STK4: variants seen among roughly 807,000 people sequenced by gnomAD.
STK4 encodes the protein serine/threonine kinase 4.
Under a neutral mutation model 64.9 loss-of-function variants are expected in STK4, and 30 were observed. That is an observed-to-expected ratio of 0.46 (90% CI 0.35 to 0.63). The LOEUF (loss-of-function observed/expected upper bound fraction) is 0.63, where lower values mean the gene tolerates loss of function less well. Ranked by LOEUF, STK4 falls within the 20% of genes least tolerant of loss-of-function variation. The pLI is 0.01. For missense variants in STK4, 466 were observed against 598.5 expected (o/e 0.78, Z 2.31); for synonymous variants, 177 against 199.0 (o/e 0.89, Z 0.93).
chr20:45,053,504 G>A (rs1404512893), intron 10 of STK4, among the ~76,000 whole-genome samples: 1 of 152,128 alleles, frequency 6.6e-6, no homozygotes, highest in African/African-American at 2.4e-5. Flanking sequence ...CAACTACATG[G>A]TGAGAAAAAG....
chr20:44,988,880 A>G (rs901845167), intron 5 of STK4, among the ~76,000 whole-genome samples: 3 of 152,122 alleles, frequency 2.0e-5, no homozygotes, highest in Non-Finnish European at 4.4e-5. Context: ...AAATAGAATC[A>G]TACATAATGT....
At chr20:45,046,103 AGCC>A (rs1379308092) in intron 10 of STK4, among the ~76,000 whole-genome samples, 2 of 152,066 alleles carry the variant, frequency 1.3e-5, no homozygotes, top group African/African-American at 4.8e-5. Context: ...CACCGCACCT[AGCC>A]AGAAAATGTC....
chr20:44,986,640 T>C (rs1426680311), intron 4 of STK4, among the ~76,000 whole-genome samples: 2 of 152,140 alleles, frequency 1.3e-5, no homozygotes, highest in Admixed American at 6.6e-5. Flanking sequence ...AGTCGGGAGA[T>C]TATGAGAATA....
At chr20:44,989,131 TAC>T (rs1454632354) in intron 5 of STK4, among the ~76,000 whole-genome samples, 60 of 152,340 alleles carry the variant, frequency 3.9e-4, no homozygotes. Flanking sequence ...TTTCATGTGA[TAC>T]ACAGAGTTGC....
intron 10 of STK4, among the ~76,000 whole-genome samples, chr20:45,028,178 C>G (rs1208149690): frequency 6.6e-6 from 1 of 152,030 alleles, no homozygotes; most frequent in Non-Finnish European, 1.5e-5. Context: ...TTTTAAGGAA[C>G]CTCTATACTG....
At chr20:45,024,596 G>A (rs1333214691) in intron 9 of STK4, among the ~76,000 whole-genome samples, 1 of 152,120 alleles carries the variant, frequency 6.6e-6, no homozygotes, top group Non-Finnish European at 1.5e-5. Flanking sequence ...TGTGATAGAT[G>A]CTAAATATTT....
intron 4 of STK4, among the ~76,000 whole-genome samples, chr20:44,983,829 T>C (rs2067482130): frequency 6.6e-6 from 1 of 152,160 alleles, no homozygotes; most frequent in South Asian, 2.1e-4. Flanking sequence ...AATTATAAGG[T>C]GAGGGTGTTT....
chr20:45,005,605 G>C (rs371459309), intron 9 of STK4, among the ~76,000 whole-genome samples: 1 of 135,686 alleles, frequency 7.4e-6, no homozygotes, highest in African/African-American at 2.9e-5. Flanking sequence ...CCGAGATCGC[G>C]CCACTGCACT....
At chr20:45,034,846 G>A (rs1415810211) in intron 10 of STK4, among the ~76,000 whole-genome samples, 2 of 152,126 alleles carry the variant, frequency 1.3e-5, no homozygotes, top group Non-Finnish European at 2.9e-5. Context: ...GAGCCCAGGA[G>A]TTCGAGGCTG....
intron 9 of STK4, among the ~76,000 whole-genome samples, chr20:45,022,665 A>G (rs1273069799): frequency 3.3e-5 from 5 of 152,242 alleles, no homozygotes; most frequent in Admixed American, 3.3e-4. Context: ...TCTTAAGTCC[A>G]CCTGTATTGC....
intron 9 of STK4, among the ~76,000 whole-genome samples, chr20:45,005,647 CAAAAAAA>C (rs1214893882): frequency 3.0e-5 from 2 of 65,704 alleles, no homozygotes; most frequent in Non-Finnish European, 6.2e-5. Flanking sequence ...GACTCTGTCT[CAAAAAAA>C]AAAAAAAAAA....
chr20:45,042,852 C>CAACTTTTA (rs945799284), intron 10 of STK4, among the ~76,000 whole-genome samples: 1 of 147,148 alleles, frequency 6.8e-6, no homozygotes, highest in African/African-American at 2.7e-5. Flanking sequence ...TAAAAATTTC[C>CAACTTTTA]AACTTTTAAG....
intron 8 of STK4, 87 bp from the exon 9 acceptor site, chr20:45,001,080 A>G: frequency 1.4e-6 from 2 of 1,395,506 alleles, no homozygotes; most frequent in South Asian, 1.4e-5. Flanking sequence ...ATCTCGAAAT[A>G]TTTTCACTAA....
chr20:45,020,177 T>C (rs1413158849), intron 9 of STK4, among the ~76,000 whole-genome samples: 2 of 152,168 alleles, frequency 1.3e-5, no homozygotes, highest in African/African-American at 4.8e-5. Context: ...ATAACATATA[T>C]CTCAAAAGAC....
intron 1 of STK4, among the ~76,000 whole-genome samples, 181 bp downstream of exon 1, chr20:44,966,784 A>G (rs2067158244): frequency 6.6e-6 from 1 of 152,032 alleles, no homozygotes; most frequent in African/African-American, 2.4e-5. Flanking sequence ...AGCATCTGCT[A>G]AGGAGGTTAG....
At chr20:45,036,715 T>C (rs558502166) in intron 10 of STK4, among the ~76,000 whole-genome samples, 27 of 152,202 alleles carry the variant, frequency 1.8e-4, no homozygotes, top group Non-Finnish European at 3.2e-4. Context: ...GTTGTTGTAA[T>C]TGTTCTATTT....
At chr20:44,983,714 T>C (rs2067480301) in intron 4 of STK4, among the ~76,000 whole-genome samples, 1 of 152,196 alleles carries the variant, frequency 6.6e-6, no homozygotes. Context: ...TTTTTTGTCT[T>C]AATAAGAAAA....
intron 10 of STK4, among the ~76,000 whole-genome samples, chr20:45,042,432 C>T (rs1007867382): frequency 7.5e-4 from 114 of 152,140 alleles, no homozygotes; most frequent in African/African-American, 2.7e-3. Flanking sequence ...TTATGTAGCC[C>T]AGTGCCTCTG....
intron 10 of STK4, among the ~76,000 whole-genome samples, chr20:45,070,747 C>T (rs761874164): frequency 2.4e-4 from 37 of 151,858 alleles, no homozygotes; most frequent in Non-Finnish European, 4.6e-4. Context: ...TCTAGCCGAG[C>T]GCAGGTGGCA....
Sources: gnomAD v4.1 joint callset for allele counts (sites outside exome capture counted in the v4.1 genomes callset) on GRCh38, gnomAD v4.1.1 for gene constraint, MANE v1.5 for transcripts, NCBI Gene and HGNC (gene_info 2026-07-23, HGNC 2026-07-21) for gene names.